Variants in ROBO1 observed in about 807,000 individuals in gnomAD.
ROBO1 encodes roundabout homolog 1.
In ROBO1, 149 loss-of-function variants were observed where a neutral mutation model predicts 195.9. The observed-to-expected ratio is 0.76, with a 90% CI of 0.67 to 0.87. The LOEUF is 0.87. ROBO1 is among the 40% of genes least tolerant of loss of function. ROBO1 has a pLI of 0.00. For missense variants in ROBO1, 1,933 were observed against 2,068.3 expected, an observed-to-expected ratio of 0.93 and a Z score of 1.27; for synonymous variants, 816 against 733.2, an observed-to-expected ratio of 1.11 and a Z score of -1.82.
rs151125205 is a variant in ROBO1, at chr3:79,058,924, G to A, written c.172+66532C>T. 1.7e-3 allele frequency among the ~76,000 whole-genome samples: 254 copies of A among 152,196 alleles called. 2 individuals are homozygous for A. Among genetic ancestry groups the A allele is most frequent in the African/African-American group, 5.6e-3 (233 of 41,560 alleles). On this transcript the variant is annotated intron_variant, in intron 3 of 30. Coordinates refer to ENST00000464233, the MANE Select transcript of ROBO1 (RefSeq NM_002941.4). Reference sequence around the variant, plus strand: ...GTCACTCCAATGGCCACCACTGCCCGAATGGCATTACATCAATCTATTCAC... The same window carrying A: ...GTCACTCCAATGGCCACCACTGCCCAAATGGCATTACATCAATCTATTCAC...
At chr3:79,317,943 A>T (rs532546080) in intron 2 of ROBO1, among the ~76,000 whole-genome samples, 4 of 152,300 alleles carry the variant, frequency 2.6e-5, no homozygotes, top group East Asian at 3.9e-4. Flanking sequence ...GATATTTATT[A>T]TAAGAAATTG....
intron 2 of ROBO1, among the ~76,000 whole-genome samples, chr3:79,412,874 ATTTTTTTTTTT>A (rs1167482550): frequency 2.3e-4 from 9 of 38,336 alleles, no homozygotes; most frequent in Non-Finnish European, 3.9e-4. Context: ...TCATGAGCTG[ATTTTTTTTTTT>A]TTTTTTTTTT....
At chr3:78,738,609 C>G (rs553888478) in intron 5 of ROBO1, among the ~76,000 whole-genome samples, 1 of 152,238 alleles carries the variant, frequency 6.6e-6, no homozygotes. Context: ...TCTAGGATTA[C>G]AGTGACCAAC....
At chr3:79,164,607 A>G (rs1265490559) in intron 2 of ROBO1, among the ~76,000 whole-genome samples, 1 of 152,184 alleles carries the variant, frequency 6.6e-6, no homozygotes, top group Non-Finnish European at 1.5e-5. Context: ...CTTTTAAAAT[A>G]ACATCCTTAA....
intron 4 of ROBO1, among the ~76,000 whole-genome samples, chr3:78,886,166 T>C (rs1195518647): frequency 2.0e-5 from 3 of 151,900 alleles, no homozygotes; most frequent in Admixed American, 6.6e-5. Context: ...AAAATTATAG[T>C]ATTTTAGAAT....
chr3:78,886,670 G>A (rs571985749), intron 4 of ROBO1, among the ~76,000 whole-genome samples: 26 of 151,948 alleles, frequency 1.7e-4, no homozygotes, highest in Admixed American at 1.2e-3. Context: ...TTCAAAAAGC[G>A]TTCAGTCAAT....
intron 3 of ROBO1, among the ~76,000 whole-genome samples, chr3:79,007,398 A>G (rs1364877179): frequency 6.6e-6 from 1 of 152,198 alleles, no homozygotes; most frequent in African/African-American, 2.4e-5. Flanking sequence ...TACCACGGAG[A>G]GGGCAGAAGG....
chr3:78,860,977 T>A (rs1401766580), intron 4 of ROBO1, among the ~76,000 whole-genome samples: 2 of 152,150 alleles, frequency 1.3e-5, no homozygotes, highest in African/African-American at 2.4e-5. Context: ...TCAATATGAG[T>A]TTTCAGGCTT....
intron 8 of ROBO1, among the ~76,000 whole-genome samples, chr3:78,704,146 T>C (rs1428321139): frequency 6.6e-6 from 1 of 152,184 alleles, no homozygotes; most frequent in Non-Finnish European, 1.5e-5. Flanking sequence ...TAGTTTTGGC[T>C]TTGACTCAAA....
chr3:79,255,440 G>A (rs946394582), intron 2 of ROBO1, among the ~76,000 whole-genome samples: 4 of 152,056 alleles, frequency 2.6e-5, no homozygotes, highest in Non-Finnish European at 5.9e-5. Flanking sequence ...ATGCAGTTTC[G>A]TCTTAAGACA....
intron 1 of ROBO1, among the ~76,000 whole-genome samples, chr3:79,667,892 T>A (rs905651668): frequency 1.3e-5 from 2 of 151,820 alleles, no homozygotes; most frequent in African/African-American, 4.8e-5. Context: ...AAAAATCTCA[T>A]TTGGAAACTG....
At chr3:78,979,900 T>C (rs900329272) in intron 3 of ROBO1, among the ~76,000 whole-genome samples, 1 of 152,054 alleles carries the variant, frequency 6.6e-6, no homozygotes, top group Non-Finnish European at 1.5e-5. Flanking sequence ...AATAAATCCT[T>C]AAATTAATAA....
chr3:79,571,548 T>A (rs904874748), intron 2 of ROBO1, among the ~76,000 whole-genome samples: 2 of 152,068 alleles, frequency 1.3e-5, no homozygotes, highest in Non-Finnish European at 2.9e-5. Context: ...AGGACTTATC[T>A]AAAAACATGA....
At chr3:79,197,300 G>T (rs1429947214) in intron 2 of ROBO1, among the ~76,000 whole-genome samples, 1 of 151,846 alleles carries the variant, frequency 6.6e-6, no homozygotes, top group Non-Finnish European at 1.5e-5. Flanking sequence ...TTGGTTTTCT[G>T]TCCTTGTGAT....
intron 2 of ROBO1, among the ~76,000 whole-genome samples, chr3:79,486,087 A>G (rs1939144289): frequency 6.6e-6 from 1 of 152,176 alleles, no homozygotes; most frequent in Admixed American, 6.5e-5. Context: ...TATTATCTCA[A>G]TGGCTGTTTC....
chr3:79,074,740 T>C (rs777999015), intron 3 of ROBO1, among the ~76,000 whole-genome samples: 2 of 151,810 alleles, frequency 1.3e-5, no homozygotes, highest in Non-Finnish European at 2.9e-5. Flanking sequence ...CATATGCTTT[T>C]TTATTTTAAG....
chr3:79,278,027 T>C (rs2031192854), intron 2 of ROBO1, among the ~76,000 whole-genome samples: 1 of 151,920 alleles, frequency 6.6e-6, no homozygotes, highest in African/African-American at 2.4e-5. Flanking sequence ...AAACACAAAC[T>C]AGGTGAAAAA....
chr3:78,698,995 G>A (rs2081360681), intron 8 of ROBO1, among the ~76,000 whole-genome samples: 1 of 152,086 alleles, frequency 6.6e-6, no homozygotes, highest in Non-Finnish European at 1.5e-5. Context: ...ACATATCTTA[G>A]GACTATAATT....
At chr3:79,688,049 A>G (rs1200130615) in intron 1 of ROBO1, among the ~76,000 whole-genome samples, 1 of 151,976 alleles carries the variant, frequency 6.6e-6, no homozygotes, top group Non-Finnish European at 1.5e-5. Context: ...ATAAAAAATG[A>G]TGAGTTCATG....
Sources: gnomAD v4.1 joint callset for allele counts (sites outside exome capture counted in the v4.1 genomes callset) on GRCh38, gnomAD v4.1.1 for gene constraint, MANE v1.5 for transcripts, NCBI Gene and HGNC (gene_info 2026-07-23, HGNC 2026-07-21) for gene names.